Variants in TDRP observed in about 807,000 individuals in gnomAD.
The protein encoded by TDRP is testis development-related protein.
TDRP carries 12 observed loss-of-function variants against 10.5 expected under a neutral mutation model. That is an observed-to-expected ratio of 1.15 (90% CI 0.73 to 1.86). The LOEUF is 1.86. Ranked by LOEUF, TDRP falls within the 40% of genes most tolerant of loss-of-function variation. The probability of loss-of-function intolerance (pLI) is 0.00; values close to 1 mark genes in which losing one functional copy is unlikely to be tolerated. For synonymous variants in TDRP, 139 were observed against 95.4 expected (o/e 1.46, Z -2.67); for missense variants, 353 against 229.2 (o/e 1.54, Z -3.49).
chr8:521,088 T>C (rs539924315), intron 1 of TDRP, among the ~76,000 whole-genome samples: 2 of 152,104 alleles, frequency 1.3e-5, no homozygotes, highest in East Asian at 3.9e-4. Context: ...TATTTTGAAT[T>C]AATTTTTGTA....
intron 1 of TDRP, among the ~76,000 whole-genome samples, chr8:500,369 A>C (rs6558856): frequency 0.55 from 83,225 of 152,032 alleles, 24,393 homozygotes; most frequent in African/African-American, 0.76. Flanking sequence ...CACAGGGAGC[A>C]ATAAACCTCA....
chr8:514,358 AAAT>A (rs1229235405), intron 1 of TDRP, among the ~76,000 whole-genome samples: 2 of 152,196 alleles, frequency 1.3e-5, no homozygotes, highest in African/African-American at 2.4e-5. Context: ...AATGGGGAAA[AAAT>A]AATCTTTTCA....
At chr8:545,162 GC>G (rs1171325915), upstream of TDRP, among the ~76,000 whole-genome samples, 1 of 82,154 alleles carries the variant, frequency 1.2e-5, no homozygotes, top group Non-Finnish European at 2.3e-5. Flanking sequence ...CCCCGCCACC[GC>G]CCCGGCGAGA....
chr8:543,024 A>C (rs547011172), intron 1 of TDRP, among the ~76,000 whole-genome samples: 2 of 150,274 alleles, frequency 1.3e-5, no homozygotes, highest in South Asian at 4.3e-4. Flanking sequence ...GTAAGAACTT[A>C]AGGCCAGGCG....
intron 1 of TDRP, among the ~76,000 whole-genome samples, chr8:495,309 T>C (rs1204822343): frequency 6.6e-6 from 1 of 152,200 alleles, no homozygotes. Flanking sequence ...AGAGGTCCCC[T>C]AGAAGGGGGT....
chr8:531,633 T>C (rs1196481501), intron 1 of TDRP, among the ~76,000 whole-genome samples: 2 of 152,232 alleles, frequency 1.3e-5, no homozygotes, highest in Admixed American at 6.5e-5. Context: ...TTACAGACTG[T>C]CTTTTCTCTA....
chr8:491,164 T>A lies in TDRP; in HGVS notation c.*1235A>T, dbSNP rs1159486718. 6.5e-6 allele frequency: 1 copy of A among 153,550 alleles called. No individual in the cohort carries two copies. Among genetic ancestry groups the A allele is most frequent in the Non-Finnish European group, 1.4e-5 (1 of 69,048 alleles). The allele number at this position is 153,550 out of a possible 1,614,324, so 9.5% of individuals were successfully genotyped here. On this transcript the variant is annotated 3_prime_UTR_variant, in exon 3 of 3. Coordinates refer to ENST00000324079, the MANE Select transcript of TDRP (RefSeq NM_001384899.1). ...TCCACAGGAACAAACGGAAGGAACATCCACATGCATGAAACAGCACAGGAG... is the reference window on the plus strand; with the variant it reads ...TCCACAGGAACAAACGGAAGGAACAACCACATGCATGAAACAGCACAGGAG...
intron 1 of TDRP, among the ~76,000 whole-genome samples, chr8:530,439 A>T (rs951217067): frequency 2.0e-5 from 3 of 151,396 alleles, no homozygotes; most frequent in Non-Finnish European, 4.4e-5. Flanking sequence ...TTTTGCTGGG[A>T]TTTGGGGTAT....
intron 1 of TDRP, among the ~76,000 whole-genome samples, chr8:538,484 C>A (rs1159367282): frequency 6.6e-6 from 1 of 152,174 alleles, no homozygotes; most frequent in Non-Finnish European, 1.5e-5. Context: ...AGGGGCTAAG[C>A]ACCGCCTCAA....
intron 1 of TDRP, among the ~76,000 whole-genome samples, chr8:531,165 T>C (rs1344963502): frequency 3.3e-5 from 5 of 152,152 alleles, no homozygotes; most frequent in African/African-American, 1.2e-4. Flanking sequence ...GCAGGTGAAA[T>C]TAAATGGCTT....
chr8:526,897 GA>G (rs1802049389), intron 1 of TDRP, among the ~76,000 whole-genome samples: 1 of 152,130 alleles, frequency 6.6e-6, no homozygotes, highest in African/African-American at 2.4e-5. Context: ...ATTCAAACTA[GA>G]AAGGAAGAAA....
At position 491,834 on chromosome 8, in the gene TDRP, T is replaced by G; in HGVS notation, c.*565A>C. 2 of 1,232,742 alleles carry G rather than the reference T, an allele frequency of 1.6e-6. No homozygotes were observed. Among genetic ancestry groups the G allele is most frequent in the Non-Finnish European group, 2.0e-6 (2 of 987,452 alleles). 76.4% of individuals were successfully genotyped at this position (1,232,742 alleles called of 1,614,324 possible). A position where few individuals can be genotyped will look rare whatever the true frequency, so the allele number is the denominator to read the frequency against. On this transcript the variant is annotated 3_prime_UTR_variant, in exon 3 of 3. Transcript: ENST00000324079. Reference sequence around the variant, plus strand: ...CAAAAGATGAACATGCATTTTAAGATACATTTTACTCCCAAATATAAGCTT... The same window carrying G: ...CAAAAGATGAACATGCATTTTAAGAGACATTTTACTCCCAAATATAAGCTT...
intron 1 of TDRP, among the ~76,000 whole-genome samples, chr8:526,455 C>T (rs1005140706): frequency 7.2e-5 from 11 of 152,174 alleles, no homozygotes; most frequent in Admixed American, 2.0e-4. Context: ...GCTTTTTCAG[C>T]ATCAATCGAA....
At chr8:522,232 G>C (rs1801924222) in intron 1 of TDRP, among the ~76,000 whole-genome samples, 1 of 152,148 alleles carries the variant, frequency 6.6e-6, no homozygotes, top group Non-Finnish European at 1.5e-5. Context: ...TCTGCTGTCA[G>C]ATGCAGATAT....
chr8:534,758 G>A (rs1481229501), intron 1 of TDRP, among the ~76,000 whole-genome samples: 1 of 152,130 alleles, frequency 6.6e-6, no homozygotes, highest in Non-Finnish European at 1.5e-5. Context: ...ACTGATTTGC[G>A]GATTACAAAT....
At chr8:531,182 T>C (rs906999672) in intron 1 of TDRP, among the ~76,000 whole-genome samples, 3 of 152,164 alleles carry the variant, frequency 2.0e-5, no homozygotes, top group South Asian at 2.1e-4. Flanking sequence ...GCTTTTTTTT[T>C]CTCCTACTTC....
intron 1 of TDRP, among the ~76,000 whole-genome samples, chr8:502,094 T>C (rs1006794708): frequency 2.0e-5 from 3 of 152,222 alleles, no homozygotes; most frequent in African/African-American, 7.2e-5. Context: ...TCCTGAATAC[T>C]GTGAAAATGC....
At position 492,682 on chromosome 8, in the gene TDRP, A is replaced by G; in HGVS notation, c.275T>C (p.Leu92Ser). ...AGACTGTATATTCTGTTTTAAAACC[A>G]AATTGTCCCAAAATCCAGATTTCTT... ...AEKKSGFWDN[L>S]VLKQNIQSKK... The change falls in exon 3 of 3, where the codon TTG becomes TCG. Residue 92 changes from leucine (L) to serine (S), a missense_variant. Coordinates refer to ENST00000324079, the MANE Select transcript of TDRP (RefSeq NM_001384899.1). The G allele has an allele frequency of 6.2e-7, 1 of 1,613,956 alleles. No individual in the cohort carries two copies. Among genetic ancestry groups the G allele is most frequent in the Non-Finnish European group, 8.5e-7 (1 of 1,179,866 alleles).
chr8:503,764 C>T (rs147572858), intron 1 of TDRP, among the ~76,000 whole-genome samples: 23 of 148,878 alleles, frequency 1.5e-4, no homozygotes, highest in African/African-American at 3.0e-4. Context: ...CGCATCAACA[C>T]GGAATCCAGA....
Sources: gnomAD v4.1 joint callset for allele counts (sites outside exome capture counted in the v4.1 genomes callset) on GRCh38, gnomAD v4.1.1 for gene constraint, MANE v1.5 for transcripts, NCBI Gene and HGNC (gene_info 2026-07-23, HGNC 2026-07-21) for gene names.